Variants in PHC3 observed in about 807,000 individuals in gnomAD.
PHC3 encodes polyhomeotic-like protein 3.
In PHC3, 13 loss-of-function variants were observed where a neutral mutation model predicts 107.4. The ratio of observed to expected loss-of-function variants is 0.12; its 90% CI spans 0.08 to 0.19. The LOEUF (loss-of-function observed/expected upper bound fraction) is 0.19, where lower values mean the gene tolerates loss of function less well. Among genes scored for constraint, PHC3 ranks in the 10% least tolerant of loss-of-function variants. PHC3 has a pLI of 1.00. For synonymous variants in PHC3, 456 were observed against 427.4 expected, an observed-to-expected ratio of 1.07 and a Z score of -0.83; for missense variants, 992 against 1,210.9, an observed-to-expected ratio of 0.82 and a Z score of 2.68.
intron 6 of PHC3, among the ~76,000 whole-genome samples, chr3:170,143,120 A>G (rs1000684755): frequency 1.3e-5 from 2 of 152,178 alleles, no homozygotes; most frequent in African/African-American, 4.8e-5. Flanking sequence ...CAAGGCTACA[A>G]TGAGCCATGA....
At chr3:170,165,379 G>T (rs138482882) in intron 4 of PHC3, among the ~76,000 whole-genome samples, 116 of 152,106 alleles carry the variant, frequency 7.6e-4, no homozygotes, top group Non-Finnish European at 1.3e-3. Flanking sequence ...CACTCATCAC[G>T]TCCAGAACCA....
intron 12 of PHC3, among the ~76,000 whole-genome samples, chr3:170,103,839 C>G (rs1715947984): frequency 6.6e-6 from 1 of 152,118 alleles, no homozygotes; most frequent in South Asian, 2.1e-4. Flanking sequence ...ATTACTTAAG[C>G]TCCAGAGTTC....
At chr3:170,155,158 C>T (rs772959609) in intron 4 of PHC3, among the ~76,000 whole-genome samples, 1 of 152,202 alleles carries the variant, frequency 6.6e-6, no homozygotes, top group Non-Finnish European at 1.5e-5. Context: ...TGTTAATGTC[C>T]TCAAAAGGAG....
chr3:170,114,181 G>A (rs1033962711), intron 10 of PHC3, among the ~76,000 whole-genome samples: 25 of 152,006 alleles, frequency 1.6e-4, no homozygotes, highest in Admixed American at 1.4e-3. Context: ...GGCTAATTTT[G>A]TATTTTTAGT....
chr3:170,136,553 G>A lies in PHC3; in HGVS notation c.785C>T (p.Thr262Ile). 1.2e-6 allele frequency: 2 copies of A among 1,613,294 alleles called. No homozygotes were observed. Among genetic ancestry groups the A allele is most frequent in the Non-Finnish European group, 1.7e-6 (2 of 1,179,694 alleles). ...GCTGATTTTAGAACTGGTCACTGTT[G>A]TTTTGTTATGACAAATTGTCAATGA... ...TQSLTICHNK[T>I]TVTSSKISQR... The change falls in exon 7 of 15, where the codon ACA (threonine) becomes ATA (isoleucine). Residue 262 changes from threonine (T) to isoleucine (I), a missense_variant. Thr to Ile is a moderately conservative substitution (Grantham distance 89, BLOSUM62 -1). Coordinates refer to ENST00000495893, the MANE Select transcript of PHC3 (RefSeq NM_024947.4).
At chr3:170,176,225 CAAA>C (rs375783409) in intron 2 of PHC3, among the ~76,000 whole-genome samples, 4 of 82,342 alleles carry the variant, frequency 4.9e-5, no homozygotes, top group Admixed American at 3.9e-4. Flanking sequence ...GACTCGGTCT[CAAA>C]AAAAAAAAAA....
At chr3:170,122,778 T>C in intron 8 of PHC3, 34 bp from the exon 9 acceptor site, 1 of 1,599,532 alleles carries the variant, frequency 6.3e-7, no homozygotes. Context: ...TTAAAATGTT[T>C]CCAAAACTAT....
chr3:170,171,327 T>C, intron 4 of PHC3, 46 bp downstream of exon 4: 1 of 1,351,640 alleles, frequency 7.4e-7, no homozygotes, highest in South Asian at 1.4e-5. Flanking sequence ...TGGAAAACAA[T>C]TCTTTAAAAT....
intron 12 of PHC3, among the ~76,000 whole-genome samples, chr3:170,103,717 C>T (rs1349381273): frequency 6.6e-6 from 1 of 152,190 alleles, no homozygotes; most frequent in Non-Finnish European, 1.5e-5. Context: ...GTTTCTGTCA[C>T]AACTACCCAC....
rs1012426362 is a variant in PHC3 at position 170,087,744 on chromosome 3, G to A, written c.*9486C>T. 1.3e-5 allele frequency: 2 copies of A among 152,164 alleles called. No individual in the cohort carries two copies. Among genetic ancestry groups the A allele is most frequent in the African/African-American group, 4.8e-5 (2 of 41,456 alleles). 9.4% of individuals were successfully genotyped at this position (152,164 alleles called of 1,614,324 possible). On this transcript the variant is annotated 3_prime_UTR_variant, in exon 15 of 15. Transcript: ENST00000495893. ...TTACAACAATATTCTATATGAAAAT[G>A]TGCAGGTAACAAAGGTGCAATTACA...
rs1211805756 is a variant in PHC3 at position 170,150,871 on chromosome 3, ATCTT to A, written c.415-1631_415-1628del. On this transcript the variant is annotated intron_variant, in intron 4 of 14. Coordinates refer to ENST00000495893, the MANE Select transcript of PHC3 (RefSeq NM_024947.4). The stretch of plus-strand genomic sequence containing the variant: ...AAAGAAAAAGCATACTCTTTTTTTT[ATCTT>A]TCTAATTTTAGACCACATGTATATA... Among the ~76,000 whole-genome samples the A allele has an allele frequency of 3.9e-5, 6 of 152,078 alleles. 1 individual carries two copies. The Middle Eastern group carries it at 0.01, about 260-fold the overall frequency.
At chr3:170,169,440 T>C (rs928360147) in intron 4 of PHC3, among the ~76,000 whole-genome samples, 1 of 152,222 alleles carries the variant, frequency 6.6e-6, no homozygotes, top group Non-Finnish European at 1.5e-5. Flanking sequence ...CTAAGTTACC[T>C]TGGGCATTGT....
intron 7 of PHC3, among the ~76,000 whole-genome samples, chr3:170,134,952 T>C (rs960874726): frequency 2.0e-5 from 3 of 152,094 alleles, no homozygotes; most frequent in Non-Finnish European, 2.9e-5. Flanking sequence ...TGCCACAGTA[T>C]TGAGATTCAG....
At chr3:170,152,125 C>G (rs1726093189) in intron 4 of PHC3, among the ~76,000 whole-genome samples, 1 of 151,858 alleles carries the variant, frequency 6.6e-6, no homozygotes, top group Non-Finnish European at 1.5e-5. Flanking sequence ...ATAAATACCA[C>G]TAATACAATA....
At position 170,156,717 on chromosome 3, in the gene PHC3, C is replaced by A. The variant is rs539217244; in HGVS notation, c.415-7473G>T. Among the ~76,000 whole-genome samples, 961 of 152,174 alleles carry A rather than the reference C, an allele frequency of 6.3e-3. 8 individuals are homozygous for A. Among genetic ancestry groups the A allele is most frequent in the African/African-American group, 0.022 (905 of 41,494 alleles). On this transcript the variant is annotated intron_variant, in intron 4 of 14. Transcript: ENST00000495893. ...GGTTCAAGTGATTCTCCTGCCTCAGCCTCCTGAGTAGCTGGGATTACAGGG... is the reference window on the plus strand; with the variant it reads ...GGTTCAAGTGATTCTCCTGCCTCAGACTCCTGAGTAGCTGGGATTACAGGG...
intron 1 of PHC3, among the ~76,000 whole-genome samples, chr3:170,181,037 C>G (rs1411145259): frequency 6.6e-6 from 1 of 151,654 alleles, no homozygotes; most frequent in African/African-American, 2.4e-5. Context: ...ACTAAACATA[C>G]CGTCACACCG....
chr3:170,172,738 T>C, intron 2 of PHC3, 26 bp from the exon 3 acceptor site: 1 of 1,568,612 alleles, frequency 6.4e-7, no homozygotes, highest in Non-Finnish European at 8.7e-7. Flanking sequence ...TGAACCAATG[T>C]CAAACCATAA....
intron 4 of PHC3, among the ~76,000 whole-genome samples, chr3:170,166,640 G>C (rs1036954512): frequency 6.6e-6 from 1 of 152,002 alleles, no homozygotes; most frequent in Non-Finnish European, 1.5e-5. Context: ...AAAAGTGACA[G>C]TGCTATATGA....
chr3:170,155,921 T>C (rs1726826303), intron 4 of PHC3, among the ~76,000 whole-genome samples: 1 of 152,078 alleles, frequency 6.6e-6, no homozygotes. Context: ...TTTTTTAAAG[T>C]TTTTAACTTT....
Sources: gnomAD v4.1 joint callset for allele counts (sites outside exome capture counted in the v4.1 genomes callset) on GRCh38, gnomAD v4.1.1 for gene constraint, MANE v1.5 for transcripts, NCBI Gene and HGNC (gene_info 2026-07-23, HGNC 2026-07-21) for gene names.